NSUN7: variants seen among roughly 807,000 people sequenced by gnomAD.
NSUN7 encodes the protein NOP2/Sun RNA methyltransferase family member 7.
Under a neutral mutation model 58.5 loss-of-function variants are expected in NSUN7, and 39 were observed. The observed-to-expected ratio is 0.67, with a 90% CI of 0.52 to 0.87. The LOEUF is 0.87. NSUN7 is among the 40% of genes least tolerant of loss of function. The pLI is 0.00. For synonymous variants in NSUN7, 278 were observed against 303.7 expected, an observed-to-expected ratio of 0.92 and a Z score of 0.88; for missense variants, 765 against 844.1, an observed-to-expected ratio of 0.91 and a Z score of 1.16.
At chr4:40,762,584 C>A (rs1741511105) in intron 4 of NSUN7, 2 of 152,174 alleles carry the variant, frequency 1.3e-5, no homozygotes, top group African/African-American at 4.8e-5. Context: ...GTTACTGTTA[C>A]CAACCTGTAA....
intron 4 of NSUN7, among the ~76,000 whole-genome samples, chr4:40,766,629 A>C (rs1421731642): frequency 6.6e-6 from 1 of 151,978 alleles, no homozygotes; most frequent in African/African-American, 2.4e-5. Context: ...CTCTTTTTCT[A>C]TTGTTTGGAA....
chr4:40,781,364 A>C (rs1260405804), intron 7 of NSUN7, among the ~76,000 whole-genome samples: 1 of 152,174 alleles, frequency 6.6e-6, no homozygotes, highest in Non-Finnish European at 1.5e-5. Context: ...AATATTATAC[A>C]TTAAACACAT....
At chr4:40,759,261 A>C (rs1305852592) in intron 2 of NSUN7, among the ~76,000 whole-genome samples, 1 of 152,126 alleles carries the variant, frequency 6.6e-6, no homozygotes, top group Non-Finnish European at 1.5e-5. Flanking sequence ...CAGTGAACCG[A>C]GATTGTGCCA....
In NSUN7 at chr4:40,780,282, A is replaced by AAATCAATC. The variant is rs76768481; in HGVS notation, c.1036+4043_1036+4050dup. Among the ~76,000 whole-genome samples, 18 of 150,424 alleles carry AAATCAATC rather than the reference A, an allele frequency of 1.2e-4. No individual in the cohort carries two copies. In the South Asian group the frequency reaches 1.7e-3, roughly 14 times the overall value. The stretch of plus-strand genomic sequence containing the variant: ...GCAACAGAGTGAGACTCCGTCTCAT[A>AAATCAATC]AATCAATCAATCAATCAATCAATCA... On this transcript the variant is annotated intron_variant, in intron 7 of 11. Coordinates refer to ENST00000381782, the MANE Select transcript of NSUN7 (RefSeq NM_024677.6).
At position 40,808,532 on chromosome 4, in the gene NSUN7, G is replaced by C; in HGVS notation, c.1750G>C (p.Val584Leu). 1 of 1,552,198 alleles carries C rather than the reference G, an allele frequency of 6.4e-7. No individual in the cohort carries two copies. The highest frequency in any genetic ancestry group is 8.7e-7 in the Non-Finnish European group (1 of 1,147,126). Residue 584 changes from valine to leucine, a missense_variant, in exon 12 of 12, where the codon GTA (valine) becomes CTA (leucine). Transcript: ENST00000381782. ...TKASANLSETVTKPPLPQKNT... is the reference protein window; with the variant it reads ...TKASANLSETLTKPPLPQKNT... ...AGCCAGTGCTAATCTATCAGAGACTGTAACAAAACCACCTCTTCCCCAGAA... is the reference window on the plus strand; with the variant it reads ...AGCCAGTGCTAATCTATCAGAGACTCTAACAAAACCACCTCTTCCCCAGAA...
At chr4:40,780,110 A>G (rs1214083099) in intron 7 of NSUN7, among the ~76,000 whole-genome samples, 1 of 152,094 alleles carries the variant, frequency 6.6e-6, no homozygotes, top group Non-Finnish European at 1.5e-5. Context: ...GTGAAACCCC[A>G]TCTCTACTAA....
rs373368464 is a variant in NSUN7, at chr4:40,788,494, CTTA to C, written c.1037-2102_1037-2100del. Among the ~76,000 whole-genome samples the C allele has an allele frequency of 3.2e-4, 48 of 152,254 alleles. No individual in the cohort carries two copies. In the South Asian group the frequency reaches 9.3e-3, roughly 30 times the overall value. ...AGCAAGTTGAGGAACTGGGCCAGTTCTTATTATTGCCTCTCAGCTCTAAACCCA... is the reference window on the plus strand; with the variant it reads ...AGCAAGTTGAGGAACTGGGCCAGTTCTTATTGCCTCTCAGCTCTAAACCCA... On this transcript the variant is annotated intron_variant, in intron 7 of 11. Coordinates refer to ENST00000381782, the MANE Select transcript of NSUN7 (RefSeq NM_024677.6).
intron 10 of NSUN7, among the ~76,000 whole-genome samples, chr4:40,806,085 C>T (rs1743798701): frequency 6.6e-6 from 1 of 152,132 alleles, no homozygotes; most frequent in Admixed American, 6.5e-5. Flanking sequence ...GCTTGAACCT[C>T]TCAGGTTCAA....
At position 40,809,423 on chromosome 4, in the gene NSUN7, G is replaced by C. The variant is rs1425104253; in HGVS notation, c.*484G>C. ...GTGATTTTTTCTTAAATATCAAGCTGTTCTTTGAACAGGGAATGAACATGA... is the reference window on the plus strand; with the variant it reads ...GTGATTTTTTCTTAAATATCAAGCTCTTCTTTGAACAGGGAATGAACATGA... On this transcript the variant is annotated 3_prime_UTR_variant, in exon 12 of 12. Transcript: ENST00000381782. The C allele has an allele frequency of 6.6e-6, 1 of 152,470 alleles. No homozygotes were observed. The highest frequency in any genetic ancestry group is 1.5e-5 in the Non-Finnish European group (1 of 68,248). 9.4% of individuals were successfully genotyped at this position (152,470 alleles called of 1,614,324 possible). A position where few individuals can be genotyped will look rare whatever the true frequency, so the allele number is the denominator to read the frequency against.
In NSUN7 at chr4:40,775,265, C is replaced by T. The variant is rs2154287668; in HGVS notation, c.825+315C>T. The T allele has an allele frequency of 6.1e-6, 1 of 163,676 alleles. No homozygotes were observed. The highest frequency in any genetic ancestry group is 2.9e-3 in the Middle Eastern group (1 of 348). The allele number at this position is 163,676 out of a possible 1,614,324, so 10.1% of individuals were successfully genotyped here. On this transcript the variant is annotated intron_variant, in intron 6 of 11. Transcript: ENST00000381782. This position sits in a 1 kb window ranked among gnomAD's most constrained non-coding sequence, Gnocchi z 4.3. ...GAATTCAAGAGAAAGTACAATGAGA[C>T]CTTTTCTTCCTTCCCTTTCTGGGGA...
intron 4 of NSUN7, among the ~76,000 whole-genome samples, chr4:40,769,574 T>C (rs1273109917): frequency 6.6e-6 from 1 of 152,222 alleles, no homozygotes. Context: ...GTGATTGTTT[T>C]TCTTCTTTAT....
rs1553919775 is a variant in NSUN7 at position 40,799,073 on chromosome 4, C to CTTTTTGTTT, written c.1400+174_1400+175insGTTTTTTTT. 6.6e-4 allele frequency among the ~76,000 whole-genome samples: 50 copies of CTTTTTGTTT among 76,246 alleles called. 6 individuals carry two copies. The highest frequency in any genetic ancestry group is 1.0e-3 in the Non-Finnish European group (41 of 39,382). The allele number at this position is 76,246 out of a possible 152,430, so 50.0% of individuals were successfully genotyped here. On this transcript the variant is annotated intron_variant, in intron 10 of 11. Transcript: ENST00000381782. Reference sequence around the variant, plus strand: ...AACCAAGATTCCATAGGGCCTTTTTCTTTTTTTTTTTTTTTTTTTTTTTTT... The same window carrying CTTTTTGTTT: ...AACCAAGATTCCATAGGGCCTTTTTCTTTTTGTTTTTTTTTTTTTTTTTTTTTTTTTTTT...
At chr4:40,805,756 G>C (rs1743785333) in intron 10 of NSUN7, among the ~76,000 whole-genome samples, 1 of 152,106 alleles carries the variant, frequency 6.6e-6, no homozygotes, top group Non-Finnish European at 1.5e-5. Context: ...GTGCTGGAGA[G>C]GCCTGTCCCC....
Position 40,809,868 on chromosome 4 carries a change from G to A in NSUN7, c.*929G>A, listed in dbSNP as rs916389309. On this transcript the variant is annotated 3_prime_UTR_variant, in exon 12 of 12. Coordinates refer to ENST00000381782, the MANE Select transcript of NSUN7 (RefSeq NM_024677.6). ...ATGTTAATTAATTATATTAAATGTCGATTCATCTTGAATGTATTCTCAATT... is the reference window on the plus strand; with the variant it reads ...ATGTTAATTAATTATATTAAATGTCAATTCATCTTGAATGTATTCTCAATT... The A allele has an allele frequency of 3.9e-5, 6 of 152,016 alleles. No homozygotes were observed. The highest frequency in any genetic ancestry group is 8.8e-5 in the Non-Finnish European group (6 of 68,018). 9.4% of individuals were successfully genotyped at this position (152,016 alleles called of 1,614,324 possible).
Position 40,808,694 on chromosome 4 carries a change from C to T in NSUN7, c.1912C>T (p.Arg638Trp), listed in dbSNP as rs372968829. The T allele has an allele frequency of 4.0e-4, 618 of 1,551,516 alleles. No homozygotes were observed. The highest frequency in any genetic ancestry group is 5.7e-4 in the Admixed American group (29 of 50,916). ...RERQTHFLRPRPEDRMVALKP... is the reference protein window; with the variant it reads ...RERQTHFLRPWPEDRMVALKP... The stretch of plus-strand genomic sequence containing the variant: ...ACGGCAGACACACTTCTTAAGACCT[C>T]GGCCAGAAGACAGAATGGTTGCTCT... The change falls in exon 12 of 12, where the codon CGG (arginine) becomes TGG (tryptophan). Residue 638 changes from arginine (R) to tryptophan (W), a missense_variant. Physicochemically the swap from Arg to Trp is moderately radical, Grantham distance 101. Coordinates refer to ENST00000381782, the MANE Select transcript of NSUN7 (RefSeq NM_024677.6).
At chr4:40,768,830 A>G (rs1741860948) in intron 4 of NSUN7, among the ~76,000 whole-genome samples, 1 of 152,178 alleles carries the variant, frequency 6.6e-6, no homozygotes, top group African/African-American at 2.4e-5. Context: ...CTCACTCCCC[A>G]TGCCTTTCCA....
intron 2 of NSUN7, 73 bp downstream of exon 2, chr4:40,751,064 C>T: frequency 6.6e-7 from 1 of 1,516,332 alleles, no homozygotes. Context: ...ATGCAGCCCT[C>T]CTCCTCCCTT....
intron 3 of NSUN7, 101 bp downstream of exon 3, chr4:40,760,593 T>A: frequency 2.2e-6 from 2 of 917,302 alleles, no homozygotes; most frequent in Non-Finnish European, 3.3e-6. Context: ...CCGGGCGCAG[T>A]GGCTCACACC....
intron 7 of NSUN7, among the ~76,000 whole-genome samples, chr4:40,787,368 T>TA (rs1204652363): frequency 2.7e-5 from 4 of 149,686 alleles, no homozygotes; most frequent in African/African-American, 7.4e-5. Flanking sequence ...TTTTAAAATG[T>TA]AAAAAAAAGA....
Sources: allele counts gnomAD v4.1 joint callset (sites outside exome capture counted in the v4.1 genomes callset), GRCh38; gene constraint gnomAD v4.1.1; non-coding constraint Gnocchi (gnomAD v3.1); transcripts MANE v1.5; gene names NCBI Gene and HGNC (gene_info 2026-07-23, HGNC 2026-07-21).